The following PCBP3 variants were observed in gnomAD, a reference collection of about 807,000 sequenced individuals.
PCBP3 encodes poly(rC)-binding protein 3.
In PCBP3, 25 loss-of-function variants were observed where a neutral mutation model predicts 52.7. The observed-to-expected ratio is 0.47, with a 90% CI of 0.35 to 0.66. The LOEUF (loss-of-function observed/expected upper bound fraction) is 0.66, where lower values mean the gene tolerates loss of function less well. Ranked by LOEUF, PCBP3 falls within the 30% of genes least tolerant of loss-of-function variation. PCBP3 has a pLI of 0.01. For synonymous variants in PCBP3, 162 were observed against 183.0 expected, an observed-to-expected ratio of 0.89 and a Z score of 0.93; for missense variants, 391 against 490.3, an observed-to-expected ratio of 0.80 and a Z score of 1.91.
At chr21:45,726,438 G>A (rs1443340806) in intron 2 of PCBP3, among the ~76,000 whole-genome samples, 1 of 152,154 alleles carries the variant, frequency 6.6e-6, no homozygotes, top group East Asian at 1.9e-4. Context: ...TGGTGTGGTT[G>A]GAACTCCAGG....
At chr21:45,892,194 C>T (rs74801454) in intron 5 of PCBP3, among the ~76,000 whole-genome samples, 22,945 of 152,048 alleles carry the variant, frequency 0.15, 1,855 homozygotes, top group Middle Eastern at 0.29. Flanking sequence ...GTTTGATGGA[C>T]GACGGGCAGT....
At chr21:45,843,454 T>C (rs191305519) in intron 4 of PCBP3, among the ~76,000 whole-genome samples, 1 of 152,368 alleles carries the variant, frequency 6.6e-6, no homozygotes, top group East Asian at 1.9e-4. Flanking sequence ...TTTCTGTGGA[T>C]ACTTTCTGTT....
chr21:45,726,017 A>G (rs1429069032), intron 2 of PCBP3, among the ~76,000 whole-genome samples: 7 of 152,064 alleles, frequency 4.6e-5, no homozygotes, highest in Non-Finnish European at 8.8e-5. Context: ...GCTGTCGGGA[A>G]GGCACTGGGG....
intron 13 of PCBP3, among the ~76,000 whole-genome samples, chr21:45,919,695 C>A (rs563562666): frequency 6.6e-6 from 1 of 152,342 alleles, no homozygotes; most frequent in Non-Finnish European, 1.5e-5. Flanking sequence ...ATCCTGGGGT[C>A]AGCTGTAGAC....
At chr21:45,910,784 T>C (rs2096372543) in intron 10 of PCBP3, 118 bp from the exon 11 acceptor site, 1 of 959,948 alleles carries the variant, frequency 1.0e-6, no homozygotes. Context: ...GCGCGTGGGC[T>C]GTATGCAGGT....
chr21:45,816,196 C>T (rs1603442622), intron 4 of PCBP3, among the ~76,000 whole-genome samples: 4 of 151,890 alleles, frequency 2.6e-5, no homozygotes. Flanking sequence ...CTGTAGACTT[C>T]ATAAGTACTG....
At chr21:45,667,511 A>G (rs1044658364) in intron 1 of PCBP3, among the ~76,000 whole-genome samples, 34 of 152,088 alleles carry the variant, frequency 2.2e-4, no homozygotes, top group Non-Finnish European at 3.5e-4. Flanking sequence ...TAACTCCAGA[A>G]TTTTTATTTG....
At chr21:45,934,761 G>A (rs1433676684) in intron 15 of PCBP3, among the ~76,000 whole-genome samples, 1 of 152,198 alleles carries the variant, frequency 6.6e-6, no homozygotes, top group African/African-American at 2.4e-5. Flanking sequence ...ACAGGGAGGT[G>A]GGGCACTGTC....
At chr21:45,767,877 G>T (rs779489421) in intron 4 of PCBP3, among the ~76,000 whole-genome samples, 5 of 152,264 alleles carry the variant, frequency 3.3e-5, no homozygotes, top group Admixed American at 1.3e-4. Context: ...GTCCTGAGCA[G>T]GCAGAGGGAG....
chr21:45,836,584 G>A (rs1603448346), intron 4 of PCBP3, among the ~76,000 whole-genome samples: 1 of 151,586 alleles, frequency 6.6e-6, no homozygotes, highest in Non-Finnish European at 1.5e-5. Context: ...ATGAGAATTA[G>A]CATATGACAC....
chr21:45,894,456 AG>A (rs1357955673), intron 5 of PCBP3, among the ~76,000 whole-genome samples: 2 of 151,938 alleles, frequency 1.3e-5, no homozygotes, highest in African/African-American at 2.4e-5. Flanking sequence ...CACAGGTGAA[AG>A]GGTACAGCCA....
At chr21:45,861,343 C>T (rs1417836274) in intron 5 of PCBP3, among the ~76,000 whole-genome samples, 1 of 152,198 alleles carries the variant, frequency 6.6e-6, no homozygotes, top group Admixed American at 6.5e-5. Flanking sequence ...TTCCAGCAGG[C>T]TGTTTGTGAA....
At chr21:45,879,088 C>T (rs1603463000) in intron 5 of PCBP3, among the ~76,000 whole-genome samples, 1 of 152,130 alleles carries the variant, frequency 6.6e-6, no homozygotes, top group Admixed American at 6.5e-5. Flanking sequence ...CAGGCTCAAG[C>T]GATCCTCCCA....
At chr21:45,881,933 C>T (rs534525404) in intron 5 of PCBP3, among the ~76,000 whole-genome samples, 3 of 152,162 alleles carry the variant, frequency 2.0e-5, no homozygotes, top group South Asian at 2.1e-4. Flanking sequence ...TTTATCCGTT[C>T]GTCTCTCTAT....
chr21:45,784,376 A>G lies in PCBP3; in HGVS notation c.-126+28924A>G, dbSNP rs1210430747. Among the ~76,000 whole-genome samples the G allele has an allele frequency of 5.0e-3, 744 of 148,234 alleles. 7 individuals are homozygous for G. Among genetic ancestry groups the G allele is most frequent in the African/African-American group, 0.018 (715 of 39,890 alleles). On this transcript the variant is annotated intron_variant, in intron 4 of 17. Coordinates refer to ENST00000681687, the MANE Select transcript of PCBP3 (RefSeq NM_001384156.1). ...TACCTCTACCTCTACCTCTACCTCTACCTCTACCTCTACCTCTACCGCTAC... is the reference window on the plus strand; with the variant it reads ...TACCTCTACCTCTACCTCTACCTCTGCCTCTACCTCTACCTCTACCGCTAC...
At chr21:45,701,797 T>C (rs1431104738) in intron 2 of PCBP3, among the ~76,000 whole-genome samples, 1 of 152,342 alleles carries the variant, frequency 6.6e-6, no homozygotes, top group East Asian at 1.9e-4. Context: ...TGACCTCAAA[T>C]GATCTGCCCA....
chr21:45,719,028 C>G (rs545479185), intron 2 of PCBP3, among the ~76,000 whole-genome samples: 1 of 152,164 alleles, frequency 6.6e-6, no homozygotes, highest in Non-Finnish European at 1.5e-5. Context: ...TAAGCAGGGC[C>G]AAGCAGCAAA....
chr21:45,753,424 C>G (rs913817636), intron 3 of PCBP3, among the ~76,000 whole-genome samples: 3 of 151,780 alleles, frequency 2.0e-5, no homozygotes, highest in Admixed American at 6.6e-5. Context: ...TCCCCTTTTT[C>G]AGTATCTCTG....
At position 45,907,710 on chromosome 21, in the gene PCBP3, T is replaced by C. The variant is rs1470697571; in HGVS notation, c.340-1645T>C. Among the ~76,000 whole-genome samples the C allele has an allele frequency of 2.0e-5, 3 of 151,864 alleles. No homozygotes were observed. In the East Asian group the frequency reaches 5.8e-4, roughly 30 times the overall value. On this transcript the variant is annotated intron_variant, in intron 9 of 17. Transcript: ENST00000681687. ...CTGTAAGTGTGGCTCTGAATTCAGC[T>C]CCAATCCAAGGTTTAGCTTCTGGAG... is the stretch of plus-strand genomic sequence containing the variant.
Sources: gnomAD v4.1 joint callset for allele counts (sites outside exome capture counted in the v4.1 genomes callset) on GRCh38, gnomAD v4.1.1 for gene constraint, MANE v1.5 for transcripts, NCBI Gene and HGNC (gene_info 2026-07-23, HGNC 2026-07-21) for gene names.